Variants in CIC observed in about 807,000 individuals in gnomAD.
CIC encodes the protein protein capicua homolog.
A neutral mutation model predicts 115.7 loss-of-function variants in CIC; 18 were observed. The observed-to-expected ratio is 0.16, with a 90% CI of 0.11 to 0.23. CIC has a LOEUF of 0.23. CIC is among the 10% of genes least tolerant of loss of function. The pLI, the probability that CIC is intolerant of heterozygous loss-of-function variation, is 1.00. For synonymous variants in CIC, 1,076 were observed against 923.0 expected (o/e 1.17, Z -3.01); for missense variants, 2,000 against 2,159.3 (o/e 0.93, Z 1.46).
chr19:42,294,123 T>G, intron 18 of CIC, 34 bp downstream of exon 18: 4 of 1,613,420 alleles, frequency 2.5e-6, no homozygotes, highest in Non-Finnish European at 3.4e-6. Flanking sequence ...GGTCCTTAGG[T>G]GGAGGGCAGA....
At chr19:42,285,691 C>G (rs548369831) in intron 2 of CIC, among the ~76,000 whole-genome samples, 1 of 152,164 alleles carries the variant, frequency 6.6e-6, no homozygotes, top group Admixed American at 6.5e-5. Flanking sequence ...TCATCTTCCC[C>G]GAGCAGGGGC....
chr19:42,295,141 C>CGGGG lies in CIC; in HGVS notation c.7504_7505insGGGG (p.Gln2502ArgfsTer22). 1.4e-6 allele frequency: 2 copies of CGGGG among 1,430,160 alleles called. No homozygotes were observed. Among genetic ancestry groups the CGGGG allele is most frequent in the Non-Finnish European group, 1.9e-6 (2 of 1,073,648 alleles). 88.6% of individuals were successfully genotyped at this position (1,430,160 alleles called of 1,614,324 possible). ...ACAGCCTGGCTGGGAGGGGGCTCCC[C>CGGGG]AGCCCTCCCCCCCACCCCCAGGTCC... On this transcript the variant is annotated frameshift_variant, in exon 21 of 21. Coordinates refer to ENST00000681038, the MANE Select transcript of CIC (RefSeq NM_001386298.1). LOFTEE classifies it high-confidence loss of function.
At chr19:42,286,166 G>A (rs763231026) in intron 2 of CIC, among the ~76,000 whole-genome samples, 1 of 152,176 alleles carries the variant, frequency 6.6e-6, no homozygotes, top group Non-Finnish European at 1.5e-5. Flanking sequence ...AGCCAGGAAG[G>A]GCAGGTCTGG....
chr19:42,274,474 C>T lies in CIC; in HGVS notation c.2691C>T (p.Ala897=), dbSNP rs542986003. ...CTTCTTCACCCTTTCAGCCTGTGGC[C>T]TTCCACCCCTCACCTGCTGCCCTGT... The part of the protein sequence containing the change: ...GLASSPFQPV[A]FHPSPAALLP... Residue 897 remains alanine (A), a synonymous_variant, in exon 2 of 21, where the codon GCC becomes GCT. Transcript: ENST00000681038. 7.5e-4 allele frequency: 299 copies of T among 398,920 alleles called. No homozygotes were observed. The highest frequency in any genetic ancestry group is 1.1e-3 in the Non-Finnish European group (258 of 226,240). 24.7% of individuals were successfully genotyped at this position (398,920 alleles called of 1,614,324 possible). A position where few individuals can be genotyped will look rare whatever the true frequency, so the allele number is the denominator to read the frequency against.
chr19:42,289,733 C>T, intron 9 of CIC, 115 bp from the exon 10 acceptor site: 2 of 958,308 alleles, frequency 2.1e-6, no homozygotes, highest in Non-Finnish European at 3.3e-6. Context: ...AGTAGCCTTC[C>T]TGGACAGCAC....
chr19:42,291,205 C>T lies in CIC; in HGVS notation c.5164C>T (p.Pro1722Ser). 6.2e-7 allele frequency: 1 copy of T among 1,610,612 alleles called. No homozygotes were observed. Among genetic ancestry groups the T allele is most frequent in the Non-Finnish European group, 8.5e-7 (1 of 1,178,564 alleles). Residue 1722 changes from proline (P) to serine (S), a missense_variant, in exon 11 of 21, where the codon CCA (proline) becomes TCA (serine). Pro to Ser is a moderately conservative substitution (Grantham distance 74). Coordinates refer to ENST00000681038, the MANE Select transcript of CIC (RefSeq NM_001386298.1). ...GCCAGTACCCCTGGGCATCCTGCAACCAGGTGCCCTGGGCAAGGCTGGGGG... is the reference window on the plus strand; with the variant it reads ...GCCAGTACCCCTGGGCATCCTGCAATCAGGTGCCCTGGGCAAGGCTGGGGG... ...NGPVPLGILQ[P>S]GALGKAGGIT...
At chr19:42,293,431 C>G in intron 16 of CIC, 150 bp downstream of exon 16, 3 of 1,372,822 alleles carry the variant, frequency 2.2e-6, no homozygotes, top group East Asian at 2.4e-5. Flanking sequence ...CCTGTGTTGT[C>G]TCCTCTCCCA....
intron 10 of CIC, 96 bp downstream of exon 10, chr19:42,290,047 T>C (rs1331148251): frequency 4.3e-6 from 6 of 1,401,358 alleles, no homozygotes; most frequent in Non-Finnish European, 6.0e-6. Context: ...GAGATTAAGG[T>C]CCAGAGAGGG....
chr19:42,283,960 G>A (rs1281900763), intron 2 of CIC: 4 of 150,648 alleles, frequency 2.7e-5, no homozygotes, highest in African/African-American at 7.3e-5. Flanking sequence ...GCAGCCAATG[G>A]GCTCACGCGC....
chr19:42,289,319 C>A lies in CIC; in HGVS notation c.4000C>A (p.Arg1334Ser). 2 of 1,614,048 alleles carry A rather than the reference C, an allele frequency of 1.2e-6. No homozygotes were observed. Among genetic ancestry groups the A allele is most frequent in the South Asian group, 2.2e-5 (2 of 91,064 alleles). The change falls in exon 9 of 21, where the codon CGT becomes AGT. Residue 1334 changes from arginine (R) to serine (S), a missense_variant. By Grantham distance (110) the Arg-to-Ser change is moderately radical. Around this residue, in one of 8 missense-constraint regions of CIC, gnomAD observed 1,466 missense variants for 1,390.4 expected, o/e 1.05. Coordinates refer to ENST00000681038, the MANE Select transcript of CIC (RefSeq NM_001386298.1). ...RPPLLPTRAS[R>S]SQRAASEDMT... The stretch of plus-strand genomic sequence containing the variant: ...CCCGCTGCTGCCCACCCGAGCTTCT[C>A]GTTCTCAGCGTGCGGCCAGTGAGGA...
At chr19:42,282,570 A>C (rs1287743640) in intron 2 of CIC, among the ~76,000 whole-genome samples, 1 of 152,092 alleles carries the variant, frequency 6.6e-6, no homozygotes, top group African/African-American at 2.4e-5. Context: ...GTGGCTCTGT[A>C]TCATTGTCTA....
intron 2 of CIC, among the ~76,000 whole-genome samples, chr19:42,275,202 A>C (rs2036927758): frequency 6.6e-6 from 1 of 152,168 alleles, no homozygotes; most frequent in South Asian, 2.1e-4. Flanking sequence ...GCTGGATTAC[A>C]GATGGGCAGA....
chr19:42,291,543 C>A lies in CIC; in HGVS notation c.5426-15C>A, dbSNP rs150215566. ...TCCCTTGTAACCTTTTCCTTTCTTG[C>A]CTCTTAACTTCCAGCCCAGTCAGTT... On this transcript the variant is annotated splice_polypyrimidine_tract_variant and intron_variant, in intron 11 of 20. Coordinates refer to ENST00000681038, the MANE Select transcript of CIC (RefSeq NM_001386298.1). 7 of 1,612,978 alleles carry A rather than the reference C, an allele frequency of 4.3e-6. No homozygotes were observed. Among genetic ancestry groups the A allele is most frequent in the Non-Finnish European group, 5.1e-6 (6 of 1,180,010 alleles).
intron 10 of CIC, 100 bp downstream of exon 10, chr19:42,290,051 G>C (rs1327846763): frequency 1.4e-6 from 2 of 1,392,950 alleles, no homozygotes; most frequent in Non-Finnish European, 1.0e-6. Context: ...TTAAGGTCCA[G>C]AGAGGGCAAG....
At chr19:42,286,680 T>TG (rs1388963930) in intron 2 of CIC, 91 bp from the exon 3 acceptor site, 97 of 1,422,052 alleles carry the variant, frequency 6.8e-5, no homozygotes, top group Non-Finnish European at 8.8e-5. Context: ...ACAAAAGGGG[T>TG]GGGGCTACCT....
chr19:42,295,100 C>G lies in CIC; in HGVS notation c.7463C>G (p.Pro2488Arg). ...GCTGCCCCGCCACTGCCTCCACCCC[C>G]AGAGTCGGGGCCTGGACAGCCTGGC... ...AQAAPPLPPP[P>R]ESGPGQPGWE... The change falls in exon 21 of 21, where the codon CCA becomes CGA. Residue 2488 changes from proline (P) to arginine (R), a missense_variant. By Grantham distance (103) the Pro-to-Arg change is moderately radical. Around this residue, in one of 8 missense-constraint regions of CIC, gnomAD observed 133 missense variants for 116.0 expected, o/e 1.15. Transcript: ENST00000681038. 1 of 1,526,830 alleles carries G rather than the reference C, an allele frequency of 6.5e-7. No individual in the cohort carries two copies. The allele number at this position is 1,526,830 out of a possible 1,614,324, so 94.6% of individuals were successfully genotyped here. A position where few individuals can be genotyped will look rare whatever the true frequency, so the allele number is the denominator to read the frequency against.
intron 16 of CIC, 35 bp from the exon 17 acceptor site, chr19:42,293,557 A>G: frequency 6.2e-7 from 1 of 1,613,470 alleles, no homozygotes; most frequent in Non-Finnish European, 8.5e-7. Context: ...GTCTGAGCTC[A>G]GTGTTCGCCA....
chr19:42,288,803 C>T lies in CIC; in HGVS notation c.3659-85C>T, dbSNP rs113612794. The T allele has an allele frequency of 7.0e-4, 886 of 1,269,448 alleles. 20 individuals are homozygous for T. The African/African-American group carries it at 0.011, about 15-fold the overall frequency. 78.6% of individuals were successfully genotyped at this position (1,269,448 alleles called of 1,614,324 possible). On this transcript the variant is annotated intron_variant, in intron 7 of 20. Transcript: ENST00000681038. ...ATTCCAGCCTGCTTCTGCCTAGTAC[C>T]TAGAAATATCTATGGGTTGTTGGGC...
rs762533317 is a variant in CIC at position 42,291,125 on chromosome 19, CTGG to C, written c.5091_5093del (p.Gly1698del). On this transcript the variant is annotated inframe_deletion, in exon 11 of 21. Transcript: ENST00000681038. ...GTCCAGTTCATTGCCCAGGGGGCCCCTGGTGGTGGGACCACTGCGGGCTCAGGA... is the reference window on the plus strand; with the variant it reads ...GTCCAGTTCATTGCCCAGGGGGCCCCTGGTGGGACCACTGCGGGCTCAGGA... 6.8e-6 allele frequency: 11 copies of C among 1,609,248 alleles called. 1 individual carries two copies. In the South Asian group the frequency reaches 9.9e-5, roughly 14 times the overall value.
Sources: gnomAD v4.1 joint callset for allele counts (sites outside exome capture counted in the v4.1 genomes callset) on GRCh38, gnomAD v4.1.1 for gene constraint, gnomAD v4.1.1 regional missense constraint, MANE v1.5 for transcripts, NCBI Gene and HGNC (gene_info 2026-07-23, HGNC 2026-07-21) for gene names.